Variants in SLC7A6OS observed in about 807,000 individuals in gnomAD.
The protein encoded by SLC7A6OS is solute carrier family 7 member 6 opposite strand.
Under a neutral mutation model 34.3 loss-of-function variants are expected in SLC7A6OS, and 22 were observed. The ratio of observed to expected loss-of-function variants is 0.64; its 90% confidence interval spans 0.46 to 0.92. The LOEUF is 0.92. SLC7A6OS is among the 40% of genes least tolerant of loss of function. The probability of loss-of-function intolerance (pLI) is 0.00; values close to 1 mark genes in which losing one functional copy is unlikely to be tolerated. For missense variants in SLC7A6OS, 434 were observed against 407.7 expected, an observed-to-expected ratio of 1.06 and a Z score of -0.56; for synonymous variants, 199 against 165.0, an observed-to-expected ratio of 1.21 and a Z score of -1.58.
rs2043453773 is a variant in SLC7A6OS at position 68,310,394 on chromosome 16, A to G, written c.412T>C (p.Leu138=). The change falls in exon 2 of 5, where the codon TTG becomes CTG. Residue 138 remains leucine, a synonymous_variant. Transcript: ENST00000263997. ...CCCTCCTCGTGGACAAGGTCTAACAACTGAAAGCCCGAGTTCCCGGCGGCT... is the reference window on the plus strand; with the variant it reads ...CCCTCCTCGTGGACAAGGTCTAACAGCTGAAAGCCCGAGTTCCCGGCGGCT... ...PEAAGNSGFQ[L]LDLVHEEGEP... 6.2e-7 allele frequency: 1 copy of G among 1,612,454 alleles called. No individual in the cohort carries two copies. The highest frequency in any genetic ancestry group is 8.5e-7 in the Non-Finnish European group (1 of 1,179,522).
At chr16:68,304,328 C>T in intron 2 of SLC7A6OS, 96 bp from the exon 3 acceptor site, 14 of 1,163,172 alleles carry the variant, frequency 1.2e-5, no homozygotes, top group East Asian at 2.4e-5. Flanking sequence ...AGGCTCCCTA[C>T]AGTTTTTTTT....
Position 68,301,111 on chromosome 16 carries a change from C to A in SLC7A6OS, c.*164G>T. 1 of 1,353,846 alleles carries A rather than the reference C, an allele frequency of 7.4e-7. No individual in the cohort carries two copies. The highest frequency in any genetic ancestry group is 1.5e-5 in the African/African-American group (1 of 67,846). The allele number at this position is 1,353,846 out of a possible 1,614,324, so 83.9% of individuals were successfully genotyped here. A position where few individuals can be genotyped will look rare whatever the true frequency, so the allele number is the denominator to read the frequency against. ...AAGTGGAAAAGACTCACTCCCCTAA[C>A]ATAAGTTTTCACTGTGGTGGGATGG... is the stretch of plus-strand genomic sequence containing the variant. On this transcript the variant is annotated 3_prime_UTR_variant, in exon 5 of 5. Coordinates refer to ENST00000263997, the MANE Select transcript of SLC7A6OS (RefSeq NM_032178.3).
intron 4 of SLC7A6OS, 45 bp downstream of exon 4, chr16:68,302,336 G>T: frequency 5.0e-6 from 8 of 1,610,986 alleles, no homozygotes; most frequent in Non-Finnish European, 6.8e-6. Flanking sequence ...CTGCACCTCA[G>T]TCTCAGATCC....
chr16:68,301,331 G>A lies in SLC7A6OS; in HGVS notation c.874C>T (p.Leu292=). 6.2e-7 allele frequency: 1 copy of A among 1,614,180 alleles called. No individual in the cohort carries two copies. Among genetic ancestry groups the A allele is most frequent in the Non-Finnish European group, 8.5e-7 (1 of 1,180,022 alleles). The change falls in exon 5 of 5, where the codon CTG becomes TTG. Residue 292 remains leucine, a synonymous_variant. Transcript: ENST00000263997. ...SRQRMWSKYP[L]DVQKEFGYDS... ...TAGCCGAACTCCTTCTGCACATCCA[G>A]AGGGTACTTGCTCCACATCCGCTGT... is the stretch of plus-strand genomic sequence containing the variant.
chr16:68,301,267 C>G lies in SLC7A6OS; in HGVS notation c.*8G>C, dbSNP rs370880084. 21 of 1,613,806 alleles carry G rather than the reference C, an allele frequency of 1.3e-5. No individual in the cohort carries two copies. Among genetic ancestry groups the G allele is most frequent in the Middle Eastern group, 1.7e-4 (1 of 6,060 alleles). The stretch of plus-strand genomic sequence containing the variant: ...ATGTGGCAGAACCTCATGGACATCA[C>G]AAGACCATCAGTCTGAATCCAGGTC... On this transcript the variant is annotated 3_prime_UTR_variant, in exon 5 of 5. Transcript: ENST00000263997.
Position 68,302,461 on chromosome 16 carries a change from T to G in SLC7A6OS, c.719A>C (p.Glu240Ala). 6.2e-7 allele frequency: 1 copy of G among 1,614,204 alleles called. No homozygotes were observed. The highest frequency in any genetic ancestry group is 8.5e-7 in the Non-Finnish European group (1 of 1,180,030). The change falls in exon 4 of 5, where the codon GAA (glutamate) becomes GCA (alanine). Residue 240 changes from glutamate (E) to alanine (A), a missense_variant. Physicochemically the swap from Glu to Ala is moderately radical, Grantham distance 107. Coordinates refer to ENST00000263997, the MANE Select transcript of SLC7A6OS (RefSeq NM_032178.3). ...DQEPEDIYDD[E>A]DDENSENNWR... The stretch of plus-strand genomic sequence containing the variant: ...GTTATTCTCACTGTTCTCGTCATCT[T>G]CATCGTCGTAAATGTCCTCTGGTTC...
chr16:68,303,931 T>G, intron 3 of SLC7A6OS, 95 bp downstream of exon 3: 4 of 1,116,828 alleles, frequency 3.6e-6, no homozygotes, highest in Non-Finnish European at 5.3e-6. Flanking sequence ...CTAAGGACAA[T>G]GTTGTTCGGG....
chr16:68,307,909 CTT>C (rs913250128), intron 2 of SLC7A6OS, among the ~76,000 whole-genome samples: 3 of 152,168 alleles, frequency 2.0e-5, no homozygotes, highest in East Asian at 3.9e-4. Flanking sequence ...GCTATTTACT[CTT>C]GTTTTTTGAG....
At chr16:68,303,101 T>C (rs1735044089) in intron 3 of SLC7A6OS, among the ~76,000 whole-genome samples, 1 of 151,076 alleles carries the variant, frequency 6.6e-6, no homozygotes, top group Non-Finnish European at 1.5e-5. Context: ...TTGTCTCTAC[T>C]AAAAATACAA....
At chr16:68,306,296 G>A (rs559106624) in intron 2 of SLC7A6OS, among the ~76,000 whole-genome samples, 91 of 152,172 alleles carry the variant, frequency 6.0e-4, no homozygotes, top group Non-Finnish European at 9.3e-4. Flanking sequence ...TCAGCTCACT[G>A]CAACCTCTGC....
intron 2 of SLC7A6OS, among the ~76,000 whole-genome samples, chr16:68,308,181 C>T (rs960373695): frequency 6.6e-6 from 1 of 151,706 alleles, no homozygotes; most frequent in Non-Finnish European, 1.5e-5. Context: ...GGATTACAGG[C>T]ATGAGCCACT....
rs1228613720 is a variant in SLC7A6OS, at chr16:68,310,573, G to A, written c.233C>T (p.Pro78Leu). The A allele has an allele frequency of 8.8e-6, 14 of 1,588,146 alleles. No individual in the cohort carries two copies. Among genetic ancestry groups the A allele is most frequent in the Non-Finnish European group, 1.2e-5 (14 of 1,169,074 alleles). The change falls in exon 2 of 5, where the codon CCG becomes CTG. Residue 78 changes from proline to leucine, a missense_variant. Pro to Leu is a moderately conservative substitution (Grantham distance 98). Transcript: ENST00000263997. ...GACACGCTGCTGGCTGTCCCGTGAC[G>A]GGCGCAGAACTTCCCGCAGGAGAGG... ...VQPLLREVLRPSRDSQQRVRR... is the reference protein window; with the variant it reads ...VQPLLREVLRLSRDSQQRVRR...
intron 2 of SLC7A6OS, among the ~76,000 whole-genome samples, chr16:68,306,372 C>A (rs1354099624): frequency 6.6e-6 from 1 of 152,086 alleles, no homozygotes; most frequent in Non-Finnish European, 1.5e-5. Context: ...GTACGCACCA[C>A]CATGCCTGGC....
chr16:68,302,331 C>T (rs1444719162), intron 4 of SLC7A6OS, 50 bp downstream of exon 4: 4 of 1,608,096 alleles, frequency 2.5e-6, no homozygotes, highest in Admixed American at 1.7e-5. Context: ...TATGCCTGCA[C>T]CTCAGTCTCA....
intron 2 of SLC7A6OS, among the ~76,000 whole-genome samples, chr16:68,305,188 G>A (rs1261598549): frequency 2.0e-5 from 3 of 152,110 alleles, no homozygotes; most frequent in Non-Finnish European, 4.4e-5. Flanking sequence ...TAGGTCCACC[G>A]TAGCACCCCT....
chr16:68,309,051 C>CAAAAAA (rs57351239), intron 2 of SLC7A6OS, among the ~76,000 whole-genome samples: 9 of 68,472 alleles, frequency 1.3e-4, no homozygotes, highest in African/African-American at 3.0e-4. Flanking sequence ...GACTCTGACT[C>CAAAAAA]AAAAAAAAAA....
chr16:68,310,304 G>A (rs759330405), intron 2 of SLC7A6OS, 31 bp downstream of exon 2: 11 of 1,549,260 alleles, frequency 7.1e-6, no homozygotes, highest in East Asian at 4.5e-5. Context: ...ATCCTGAGAA[G>A]CCCAGCGACC....
In SLC7A6OS at chr16:68,310,849, A is replaced by T. The variant is rs769119499; in HGVS notation, c.78T>A (p.Ala26=). The T allele has an allele frequency of 6.2e-7, 1 of 1,613,030 alleles. No individual in the cohort carries two copies. The highest frequency in any genetic ancestry group is 1.1e-5 in the South Asian group (1 of 91,050). Residue 26 remains alanine, a synonymous_variant, in exon 1 of 5, where the codon GCT becomes GCA. Transcript: ENST00000263997. Reference sequence around the variant, plus strand: ...CCGCGTCGCTCCGGAGGCGTTTACAAGCGAGCACAAGAGCCTCCGCCGGCT... The same window carrying T: ...CCGCGTCGCTCCGGAGGCGTTTACATGCGAGCACAAGAGCCTCCGCCGGCT... The part of the protein sequence containing the change: ...SAEPAEALVL[A]CKRLRSDAVE...
Position 68,310,934 on chromosome 16 carries a change from G to A in SLC7A6OS, c.-8C>T. On this transcript the variant is annotated 5_prime_UTR_variant, in exon 1 of 5. Coordinates refer to ENST00000263997, the MANE Select transcript of SLC7A6OS (RefSeq NM_032178.3). ...GGTCCTGGCGGCCTCCATAGTGGCT[G>A]CCGCTGAGCACTGTGGGAGCTCGCG... 1.3e-6 allele frequency: 2 copies of A among 1,571,312 alleles called. No individual in the cohort carries two copies.
Sources: allele counts gnomAD v4.1 joint callset (sites outside exome capture counted in the v4.1 genomes callset), GRCh38; gene constraint gnomAD v4.1.1; transcripts MANE v1.5; gene names NCBI Gene and HGNC (gene_info 2026-07-23, HGNC 2026-07-21).